The following NCKAP5 variants were observed in gnomAD, a reference collection of about 807,000 sequenced individuals.
NCKAP5 encodes the protein NCK associated protein 5.
A neutral mutation model predicts 167.0 loss-of-function variants in NCKAP5; 92 were observed. That is an observed-to-expected ratio of 0.55 (90% confidence interval 0.47 to 0.66). The LOEUF (loss-of-function observed/expected upper bound fraction) is 0.66, where lower values mean the gene tolerates loss of function less well. Among genes scored for constraint, NCKAP5 ranks in the 30% least tolerant of loss-of-function variants. The pLI is 0.00. For missense variants in NCKAP5, 2,378 were observed against 2,315.0 expected (o/e 1.03, Z -0.56); for synonymous variants, 891 against 877.4 (o/e 1.02, Z -0.27).
At chr2:133,386,547 G>A (rs187044980) in intron 3 of NCKAP5, among the ~76,000 whole-genome samples, 242 of 152,262 alleles carry the variant, frequency 1.6e-3, no homozygotes, top group Non-Finnish European at 2.1e-3. Context: ...GGAGAGTTCC[G>A]TAGATGTCTG....
intron 6 of NCKAP5, among the ~76,000 whole-genome samples, chr2:133,054,497 T>C (rs568602782): frequency 2.3e-3 from 354 of 152,284 alleles, no homozygotes; most frequent in Non-Finnish European, 3.3e-3. Flanking sequence ...GAGAAGAACA[T>C]GCATTCCAAG....
At chr2:132,977,609 C>T (rs1390682316) in intron 7 of NCKAP5, among the ~76,000 whole-genome samples, 3 of 152,076 alleles carry the variant, frequency 2.0e-5, no homozygotes, top group Non-Finnish European at 2.9e-5. Context: ...AAGAAGAGCT[C>T]GAATAAGATG....
At chr2:133,288,124 G>A (rs183229334) in intron 4 of NCKAP5, among the ~76,000 whole-genome samples, 1 of 152,300 alleles carries the variant, frequency 6.6e-6, no homozygotes, top group African/African-American at 2.4e-5. Flanking sequence ...TGACTTCCTG[G>A]ATAACCAATT....
chr2:133,643,281 A>G, the NCKAP5 span, among the ~76,000 whole-genome samples: 1 of 152,198 alleles, frequency 6.6e-6, no homozygotes, highest in African/African-American at 2.4e-5. Context: ...AGTCTTCCTT[A>G]CTCTAAACTC....
At chr2:133,501,626 C>T (rs1399668770) in intron 3 of NCKAP5, among the ~76,000 whole-genome samples, 1 of 152,110 alleles carries the variant, frequency 6.6e-6, no homozygotes, top group African/African-American at 2.4e-5. Context: ...AAATTAAAGT[C>T]GTGTTCATTC....
At chr2:133,532,129 TTAA>T (rs1685416292) in intron 2 of NCKAP5, among the ~76,000 whole-genome samples, 1 of 152,262 alleles carries the variant, frequency 6.6e-6, no homozygotes, top group Non-Finnish European at 1.5e-5. Context: ...TGTTTTTCAC[TTAA>T]TGTTATAGCA....
chr2:133,627,200 C>A, the NCKAP5 span, among the ~76,000 whole-genome samples: 1 of 151,340 alleles, frequency 6.6e-6, no homozygotes, highest in Non-Finnish European at 1.5e-5. Flanking sequence ...AAAGGCACAC[C>A]CAAATCAATA....
the NCKAP5 span, among the ~76,000 whole-genome samples, chr2:133,665,423 G>A: frequency 6.6e-6 from 1 of 152,194 alleles, no homozygotes; most frequent in Non-Finnish European, 1.5e-5. Context: ...GATAGGGAGA[G>A]AGATGGGAGA....
At chr2:132,840,473 C>T (rs1471237845) in intron 11 of NCKAP5, among the ~76,000 whole-genome samples, 11 of 151,978 alleles carry the variant, frequency 7.2e-5, no homozygotes, top group African/African-American at 2.4e-4. Flanking sequence ...AATGGGATTT[C>T]GTCATGTTGG....
At chr2:132,991,871 C>T (rs1228209745) in intron 7 of NCKAP5, among the ~76,000 whole-genome samples, 1 of 152,192 alleles carries the variant, frequency 6.6e-6, no homozygotes, top group Non-Finnish European at 1.5e-5. Flanking sequence ...TAACTATGTG[C>T]TCCACTAGTA....
At chr2:133,348,207 T>C (rs1684109553) in intron 3 of NCKAP5, among the ~76,000 whole-genome samples, 1 of 152,180 alleles carries the variant, frequency 6.6e-6, no homozygotes, top group African/African-American at 2.4e-5. Context: ...AAAGTTCCTG[T>C]CTCTCATCCC....
At chr2:133,366,851 T>C (rs1411054306) in intron 3 of NCKAP5, among the ~76,000 whole-genome samples, 1 of 152,142 alleles carries the variant, frequency 6.6e-6, no homozygotes, top group Non-Finnish European at 1.5e-5. Flanking sequence ...TTTTAAAGTA[T>C]ATGTGTGACA....
At chr2:132,799,230 C>G (rs1009997545) in intron 11 of NCKAP5, among the ~76,000 whole-genome samples, 2 of 151,716 alleles carry the variant, frequency 1.3e-5, no homozygotes, top group African/African-American at 4.8e-5. Flanking sequence ...ATGGGAACAA[C>G]AGACCCTGCA....
chr2:132,987,009 G>A (rs1304312189), intron 7 of NCKAP5, among the ~76,000 whole-genome samples: 1 of 152,140 alleles, frequency 6.6e-6, no homozygotes, highest in East Asian at 1.9e-4. Context: ...CCTCTGTTTT[G>A]GGTTAGATGA....
intron 16 of NCKAP5, among the ~76,000 whole-genome samples, chr2:132,733,429 C>T (rs908524815): frequency 1.3e-5 from 2 of 152,156 alleles, no homozygotes; most frequent in African/African-American, 4.8e-5. Flanking sequence ...GTGTGATCTC[C>T]GCCTATGACT....
In NCKAP5 at chr2:133,267,675, A is replaced by G. The variant is rs188140979; in HGVS notation, c.143+35362T>C. Among the ~76,000 whole-genome samples, 211 of 152,280 alleles carry G rather than the reference A, an allele frequency of 1.4e-3. 1 individual carries two copies. Among genetic ancestry groups the G allele is most frequent in the African/African-American group, 4.7e-3 (196 of 41,548 alleles). On this transcript the variant is annotated intron_variant, in intron 4 of 19. Transcript: ENST00000409261. ...CATATTTTTTTTTCTTTTTCTCATG[A>G]AAATACTATTTTTCAAGAAATGCTA... is the stretch of plus-strand genomic sequence containing the variant.
chr2:132,707,695 G>C (rs1191637677), intron 19 of NCKAP5, among the ~76,000 whole-genome samples: 2 of 152,220 alleles, frequency 1.3e-5, no homozygotes. Flanking sequence ...TTGTTTAAAT[G>C]TCCAGAAACG....
intron 5 of NCKAP5, among the ~76,000 whole-genome samples, chr2:133,161,922 A>G (rs2083810755): frequency 6.6e-6 from 1 of 152,166 alleles, no homozygotes; most frequent in South Asian, 2.1e-4. Flanking sequence ...GGGATCTACA[A>G]CCAGGGAGAA....
At chr2:133,053,413 G>A (rs181849127) in intron 6 of NCKAP5, among the ~76,000 whole-genome samples, 6 of 152,324 alleles carry the variant, frequency 3.9e-5, no homozygotes, top group Non-Finnish European at 7.4e-5. Context: ...TTCCAGGGAC[G>A]TGCTTGCTAT....
Sources: allele counts gnomAD v4.1 joint callset (sites outside exome capture counted in the v4.1 genomes callset), GRCh38; gene constraint gnomAD v4.1.1; transcripts MANE v1.5; gene names NCBI Gene and HGNC (gene_info 2026-07-23, HGNC 2026-07-21).